ADD2: variants seen among roughly 807,000 people sequenced by gnomAD.
The protein encoded by ADD2 is adducin 2, also known as beta-adducin.
In ADD2, 23 loss-of-function variants were observed where a neutral mutation model predicts 83.0. The ratio of observed to expected loss-of-function variants is 0.28; its 90% CI spans 0.20 to 0.39. ADD2 has a LOEUF of 0.39. Among genes scored for constraint, ADD2 ranks in the 10% least tolerant of loss-of-function variants. The probability of loss-of-function intolerance (pLI) is 1.00; values close to 1 mark genes in which losing one functional copy is unlikely to be tolerated. For synonymous variants in ADD2, 375 were observed against 375.4 expected (o/e 1.00, Z 0.01); for missense variants, 758 against 944.9 (o/e 0.80, Z 2.59).
chr2:70,673,312 G>A (rs199710132), intron 14 of ADD2: 43 of 1,613,912 alleles, frequency 2.7e-5, no homozygotes, highest in Middle Eastern at 1.7e-4. Context: ...CCTGGCTCTC[G>A]TTCCTGTCCT....
Position 70,681,286 on chromosome 2 carries a change from C to T in ADD2, c.1125+2305G>A, listed in dbSNP as rs142725871. Among the ~76,000 whole-genome samples, 76 of 152,258 alleles carry T rather than the reference C, an allele frequency of 5.0e-4. No homozygotes were observed. The East Asian group carries it at 0.011, about 22-fold the overall frequency. ...AGACTCAGTGCACGAGGACCATATT[C>T]CACACTTCTATGATTGTATCCCCAA... On this transcript the variant is annotated intron_variant, in intron 10 of 15. Transcript: ENST00000264436.
chr2:70,672,855 CCAGCCTACT>C lies in ADD2; in HGVS notation c.1870+14_1870+22del. 2 of 1,599,920 alleles carry C rather than the reference CCAGCCTACT, an allele frequency of 1.3e-6. No individual in the cohort carries two copies. The highest frequency in any genetic ancestry group is 1.7e-6 in the Non-Finnish European group (2 of 1,174,796). On this transcript the variant is annotated intron_variant, in intron 15 of 15. Transcript: ENST00000264436. ...GCAGATGCACCCCTCTCCCTCCCTC[CCAGCCTACT>C]CAGCTGGACTCACCCTCTAAAGACT...
At position 70,701,747 on chromosome 2, in the gene ADD2, G is replaced by A. The variant is rs143606306; in HGVS notation, c.322+2574C>T. 9.9e-5 allele frequency among the ~76,000 whole-genome samples: 15 copies of A among 151,982 alleles called. No homozygotes were observed. The East Asian group carries it at 2.7e-3, about 27-fold the overall frequency. On this transcript the variant is annotated intron_variant, in intron 4 of 15. Transcript: ENST00000264436. ...TTATCTTAAATGAGAACTATAACCAGAAAGAAAATAGAATGGATAAAGATT... is the reference window on the plus strand; with the variant it reads ...TTATCTTAAATGAGAACTATAACCAAAAAGAAAATAGAATGGATAAAGATT...
intron 4 of ADD2, among the ~76,000 whole-genome samples, chr2:70,699,359 G>A (rs1671469295): frequency 1.3e-5 from 2 of 152,026 alleles, no homozygotes; most frequent in Admixed American, 1.3e-4. Flanking sequence ...GGGATAAGGG[G>A]AAAATATCCA....
intron 15 of ADD2, among the ~76,000 whole-genome samples, chr2:70,665,810 G>GTT (rs879978891): frequency 0.027 from 3,677 of 135,386 alleles, 134 homozygotes; most frequent in African/African-American, 0.081. Context: ...GATCACACTT[G>GTT]TTTTTTTGTT....
At chr2:70,725,259 G>A (rs1476214504) in intron 1 of ADD2, among the ~76,000 whole-genome samples, 1 of 152,218 alleles carries the variant, frequency 6.6e-6, no homozygotes, top group Admixed American at 6.5e-5. Flanking sequence ...TTATTTGACA[G>A]TTTACAGTCA....
chr2:70,678,932 G>T lies in ADD2; in HGVS notation c.1155C>A (p.His385Gln), dbSNP rs566161968. 6.2e-7 allele frequency: 1 copy of T among 1,613,714 alleles called. No homozygotes were observed. Among genetic ancestry groups the T allele is most frequent in the Non-Finnish European group, 8.5e-7 (1 of 1,179,822 alleles). The change falls in exon 11 of 16, where the codon CAC (histidine) becomes CAA (glutamine). Residue 385 changes from histidine (H) to glutamine (Q), a missense_variant. By Grantham distance (24) the His-to-Gln change is conservative. Around this residue, in one of 5 missense-constraint regions of ADD2, gnomAD observed 394 missense variants for 509.3 expected, o/e 0.77. Transcript: ENST00000264436. ...LGYRTGYTYRHPFVQEKTKHK... is the reference protein window; with the variant it reads ...LGYRTGYTYRQPFVQEKTKHK... The stretch of plus-strand genomic sequence containing the variant: ...GTTTGGTTTTCTCTTGAACAAAGGG[G>T]TGGCGATACGTGTAACCTGTTCTGT...
chr2:70,688,772 C>T (rs1182679591), intron 8 of ADD2, among the ~76,000 whole-genome samples: 4 of 152,052 alleles, frequency 2.6e-5, no homozygotes, highest in African/African-American at 9.7e-5. Flanking sequence ...TCTAACTCAT[C>T]GGTTTTATAG....
chr2:70,681,893 T>C lies in ADD2; in HGVS notation c.1125+1698A>G, dbSNP rs7567048. ...CCACCATGCCTGGCCATGTTTTGTA[T>C]TTTTTGTAGAGATAGGGTCTTGCTA... On this transcript the variant is annotated intron_variant, in intron 10 of 15. Transcript: ENST00000264436. Among the ~76,000 whole-genome samples, 3 of 152,232 alleles carry C rather than the reference T, an allele frequency of 2.0e-5. No individual in the cohort carries two copies. In the South Asian group the frequency reaches 6.2e-4, roughly 32 times the overall value.
chr2:70,659,145 T>TAAAAAAAAAAA lies in ADD2; in HGVS notation c.*4269_*4279dup, dbSNP rs56006250. ...GGGCAACAAAGAGCAAAGCTCCGTC[T>TAAAAAAAAAAA]AAAAAAAAAAAAAAAAAAAAAAAAA... On this transcript the variant is annotated 3_prime_UTR_variant, in exon 16 of 16. Transcript: ENST00000264436. The TAAAAAAAAAAA allele has an allele frequency of 1.3e-5, 1 of 74,670 alleles. No individual in the cohort carries two copies. Among genetic ancestry groups the TAAAAAAAAAAA allele is most frequent in the Non-Finnish European group, 2.5e-5 (1 of 39,952 alleles). 4.6% of individuals were successfully genotyped at this position (74,670 alleles called of 1,614,324 possible). A position where few individuals can be genotyped will look rare whatever the true frequency, so the allele number is the denominator to read the frequency against.
At chr2:70,709,624 G>A (rs1373840676) in intron 2 of ADD2, among the ~76,000 whole-genome samples, 1 of 152,152 alleles carries the variant, frequency 6.6e-6, no homozygotes, top group African/African-American at 2.4e-5. Context: ...GACCTCTGGG[G>A]TCCCTTCTAG....
intron 2 of ADD2, among the ~76,000 whole-genome samples, chr2:70,710,924 T>C (rs1263910584): frequency 6.6e-6 from 1 of 152,228 alleles, no homozygotes; most frequent in Non-Finnish European, 1.5e-5. Flanking sequence ...ATCTTAGCAT[T>C]AGGAATTCAA....
chr2:70,696,197 G>A (rs782426512), intron 5 of ADD2, 48 bp downstream of exon 5: 3 of 1,587,186 alleles, frequency 1.9e-6, no homozygotes, highest in Non-Finnish European at 2.6e-6. Context: ...TTTGGGTTTT[G>A]TGGGACCACA....
rs1326848856 is a variant in ADD2 at position 70,661,608 on chromosome 2, GA to G, written c.*1816del. On this transcript the variant is annotated 3_prime_UTR_variant, in exon 16 of 16. Transcript: ENST00000264436. The stretch of plus-strand genomic sequence containing the variant: ...TGGATGGTATTTCCCGCCCCAACCA[GA>G]AGGCTCTTGCCTCTCCTTTGTCAGA... The G allele has an allele frequency of 6.6e-6, 1 of 152,244 alleles. No individual in the cohort carries two copies. Among genetic ancestry groups the G allele is most frequent in the Non-Finnish European group, 1.5e-5 (1 of 68,068 alleles). 9.4% of individuals were successfully genotyped at this position (152,244 alleles called of 1,614,324 possible).
chr2:70,764,392 G>C (rs907145080), intron 1 of ADD2, among the ~76,000 whole-genome samples: 6 of 151,904 alleles, frequency 3.9e-5, no homozygotes, highest in African/African-American at 1.2e-4. Context: ...CAATAGAGCA[G>C]TGGTCGCCAG....
rs1443831822 is a variant in ADD2 at position 70,663,315 on chromosome 2, TC to T, written c.*109del. On this transcript the variant is annotated 3_prime_UTR_variant, in exon 16 of 16. Transcript: ENST00000264436. ...CTCTAAGTTCCCCTTCCGAATGTGG[TC>T]CAGGGTCCTACTCTATCCCTCCTTA... 6.4e-6 allele frequency: 8 copies of T among 1,256,346 alleles called. No individual in the cohort carries two copies. The highest frequency in any genetic ancestry group is 1.5e-5 in the African/African-American group (1 of 66,284). 77.8% of individuals were successfully genotyped at this position (1,256,346 alleles called of 1,614,324 possible). A position where few individuals can be genotyped will look rare whatever the true frequency, so the allele number is the denominator to read the frequency against.
intron 1 of ADD2, among the ~76,000 whole-genome samples, chr2:70,757,781 T>C (rs978265375): frequency 6.6e-6 from 1 of 152,120 alleles, no homozygotes; most frequent in Admixed American, 6.5e-5. Flanking sequence ...AAAGCAAACA[T>C]GATAAAATTC....
chr2:70,715,741 A>T (rs1242799492), intron 1 of ADD2, among the ~76,000 whole-genome samples: 1 of 151,942 alleles, frequency 6.6e-6, no homozygotes, highest in East Asian at 1.9e-4. Flanking sequence ...TGCTCACCAC[A>T]CACCGCAGCC....
rs915698876 is a variant in ADD2 at position 70,678,762 on chromosome 2, C to T, written c.1325G>A (p.Arg442Gln). The T allele has an allele frequency of 6.8e-6, 11 of 1,609,564 alleles. No individual in the cohort carries two copies. Among genetic ancestry groups the T allele is most frequent in the Admixed American group, 1.7e-5 (1 of 59,678 alleles). The change falls in exon 11 of 16, where the codon CGG becomes CAG. Residue 442 changes from arginine to glutamine, a missense_variant. By Grantham distance (43) the Arg-to-Gln change is conservative (BLOSUM62 1). Around this residue, in one of 5 missense-constraint regions of ADD2, gnomAD observed 394 missense variants for 509.3 expected, o/e 0.77. Transcript: ENST00000264436. ...CTGGACCTCATCGGCCACATTGACC[C>T]GCAGGTAGGTGTTGGGCGTATTGAG... ...RWLNTPNTYL[R>Q]VNVADEVQRS...
Sources: allele counts gnomAD v4.1 joint callset (sites outside exome capture counted in the v4.1 genomes callset), GRCh38; gene constraint gnomAD v4.1.1; regional missense constraint gnomAD v4.1.1; transcripts MANE v1.5; gene names NCBI Gene and HGNC (gene_info 2026-07-23, HGNC 2026-07-21).